Variants in PLD5 observed in about 807,000 individuals in gnomAD.
The protein encoded by PLD5 is inactive phospholipase D5.
In PLD5, 36 loss-of-function variants were observed where a neutral mutation model predicts 61.1. That is an observed-to-expected ratio of 0.59 (90% CI 0.45 to 0.78). PLD5 has a LOEUF of 0.78. Ranked by LOEUF, PLD5 falls within the 30% of genes least tolerant of loss-of-function variation. The pLI, the probability that PLD5 is intolerant of heterozygous loss-of-function variation, is 0.00. For missense variants in PLD5, 515 were observed against 644.4 expected (o/e 0.80, Z 2.17); for synonymous variants, 243 against 242.8 (o/e 1.00, Z -0.01).
intron 1 of PLD5, among the ~76,000 whole-genome samples, chr1:242,419,413 G>A (rs1471895181): frequency 6.7e-6 from 1 of 149,074 alleles, no homozygotes. Context: ...TTTGGCGGGG[G>A]GAGACAGAGT....
chr1:242,174,388 G>A (rs933885811), intron 5 of PLD5, among the ~76,000 whole-genome samples: 24 of 152,302 alleles, frequency 1.6e-4, no homozygotes, highest in Admixed American at 4.6e-4. Flanking sequence ...TCATTAAAAA[G>A]TCAGGAAACA....
rs1002339877 is a variant in PLD5, at chr1:242,089,688, G to A, written c.*166C>T. The stretch of plus-strand genomic sequence containing the variant: ...CAAAAGTCTTAATTTTAGTGTACAC[G>A]ACGCTAAGATATTGTTAGATAGGTA... On this transcript the variant is annotated 3_prime_UTR_variant, in exon 10 of 10. Coordinates refer to ENST00000536534, the MANE Select transcript of PLD5 (RefSeq NM_001372062.1). 1.6e-5 allele frequency: 13 copies of A among 822,262 alleles called. No homozygotes were observed. Among genetic ancestry groups the A allele is most frequent in the Admixed American group, 8.2e-5 (3 of 36,482 alleles). 50.9% of individuals were successfully genotyped at this position (822,262 alleles called of 1,614,324 possible).
intron 1 of PLD5, among the ~76,000 whole-genome samples, chr1:242,363,203 A>T (rs1025300998): frequency 1.3e-5 from 2 of 152,032 alleles, no homozygotes; most frequent in African/African-American, 4.8e-5. Flanking sequence ...CCCACACACA[A>T]GGCCAGAAAG....
At chr1:242,137,404 C>T (rs924678888) in intron 5 of PLD5, among the ~76,000 whole-genome samples, 19 of 152,130 alleles carry the variant, frequency 1.2e-4, no homozygotes, top group African/African-American at 3.6e-4. Flanking sequence ...TACCTAAAAC[C>T]GTCTTGGTAA....
intron 5 of PLD5, among the ~76,000 whole-genome samples, chr1:242,208,015 C>CACACACAT (rs1208907635): frequency 7.1e-6 from 1 of 140,366 alleles, no homozygotes; most frequent in Non-Finnish European, 1.5e-5. Context: ...CACACACACA[C>CACACACAT]ACACACACAT....
At chr1:242,163,924 T>A (rs1228759185) in intron 5 of PLD5, among the ~76,000 whole-genome samples, 3 of 78,114 alleles carry the variant, frequency 3.8e-5, no homozygotes, top group Non-Finnish European at 6.9e-5. Context: ...TGTGTGTGTG[T>A]ATATATATAC....
At chr1:242,524,766 G>A (rs1174209617), upstream of PLD5, 1 of 148,918 alleles carries the variant, frequency 6.7e-6, no homozygotes, top group African/African-American at 2.4e-5. Context: ...GGCCGCGGCT[G>A]GCCCAGCCAG....
chr1:242,502,782 C>T lies in PLD5; in HGVS notation c.189+21306G>A, dbSNP rs566178733. On this transcript the variant is annotated intron_variant, in intron 1 of 9. Transcript: ENST00000536534. Reference sequence around the variant, plus strand: ...GTTGTAAAACAGAGTCCTGTGGGGCCGGGTGCAGTGGCTCACGCCTGTAAT... The same window carrying T: ...GTTGTAAAACAGAGTCCTGTGGGGCTGGGTGCAGTGGCTCACGCCTGTAAT... Among the ~76,000 whole-genome samples, 16 of 152,120 alleles carry T rather than the reference C, an allele frequency of 1.1e-4. 1 individual carries two copies. The highest frequency in any genetic ancestry group is 3.6e-4 in the African/African-American group (15 of 41,500).
chr1:242,328,251 C>CATAT (rs139286557), intron 2 of PLD5, among the ~76,000 whole-genome samples: 52 of 151,254 alleles, frequency 3.4e-4, no homozygotes, highest in African/African-American at 1.1e-3. Flanking sequence ...TCAAGATGAA[C>CATAT]ATATATATAT....
At chr1:242,445,313 C>T in intron 1 of PLD5, among the ~76,000 whole-genome samples, 1 of 152,144 alleles carries the variant, frequency 6.6e-6, no homozygotes, top group Admixed American at 6.5e-5. Context: ...TTGGATTTCC[C>T]AGTCTCTATA....
intron 1 of PLD5, among the ~76,000 whole-genome samples, chr1:242,437,105 G>A (rs891223445): frequency 3.9e-5 from 6 of 152,286 alleles, no homozygotes; most frequent in African/African-American, 1.2e-4. Context: ...GTATCCTCAG[G>A]AAGGGGAGGT....
intron 5 of PLD5, among the ~76,000 whole-genome samples, chr1:242,194,099 A>G (rs2148936709): frequency 6.6e-6 from 1 of 152,282 alleles, no homozygotes; most frequent in East Asian, 1.9e-4. Context: ...CATTCTAGGT[A>G]TGGCAGGAAC....
rs1558344389 is a variant in PLD5, at chr1:242,207,890, A to T, written c.735+12098T>A. On this transcript the variant is annotated intron_variant, in intron 5 of 9. Transcript: ENST00000536534. ...TATTTATATATATTTATATATTTAT[A>T]TATATTTATATATTTATATATATTT... 3.1e-4 allele frequency among the ~76,000 whole-genome samples: 18 copies of T among 57,188 alleles called. 1 individual carries two copies. The highest frequency in any genetic ancestry group is 9.7e-4 in the African/African-American group (10 of 10,362). The allele number at this position is 57,188 out of a possible 152,430, so 37.5% of individuals were successfully genotyped here. A position where few individuals can be genotyped will look rare whatever the true frequency, so the allele number is the denominator to read the frequency against.
intron 5 of PLD5, among the ~76,000 whole-genome samples, chr1:242,150,536 C>T (rs1386091379): frequency 6.6e-6 from 1 of 151,658 alleles, no homozygotes; most frequent in African/African-American, 2.4e-5. Context: ...GGAGAAATGA[C>T]CCTTTTATCA....
chr1:242,150,176 T>A (rs1267266001), intron 5 of PLD5, among the ~76,000 whole-genome samples: 1 of 151,228 alleles, frequency 6.6e-6, no homozygotes, highest in Non-Finnish European at 1.5e-5. Flanking sequence ...TATAAGTACT[T>A]ACTTTTTATA....
At chr1:242,446,960 T>TTA (rs1666567878) in intron 1 of PLD5, among the ~76,000 whole-genome samples, 1 of 152,180 alleles carries the variant, frequency 6.6e-6, no homozygotes, top group Non-Finnish European at 1.5e-5. Context: ...ACTAGCTGTG[T>TTA]GCCCTTCAGA....
At chr1:242,174,963 G>T (rs889663586) in intron 5 of PLD5, among the ~76,000 whole-genome samples, 3 of 152,092 alleles carry the variant, frequency 2.0e-5, no homozygotes, top group Non-Finnish European at 4.4e-5. Flanking sequence ...ATTGGGTGCA[G>T]CATACCAACA....
In PLD5 at chr1:242,480,006, G is replaced by C. The variant is rs556057293; in HGVS notation, c.189+44082C>G. ...GCACAGATTGCAGTAAGTCGAGATC[G>C]TGCCACTGCACTCCAGCCTGGTAAC... On this transcript the variant is annotated intron_variant, in intron 1 of 9. Transcript: ENST00000536534. Among the ~76,000 whole-genome samples the C allele has an allele frequency of 1.5e-4, 23 of 151,090 alleles. 1 individual carries two copies. The East Asian group carries it at 4.5e-3, about 29-fold the overall frequency.
At chr1:242,112,323 G>GTGTC (rs1353476913) in intron 7 of PLD5, among the ~76,000 whole-genome samples, 1 of 80,568 alleles carries the variant, frequency 1.2e-5, no homozygotes, top group Non-Finnish European at 2.2e-5. Flanking sequence ...GTGTGTGTGT[G>GTGTC]TATGTATGTA....
Sources: allele counts gnomAD v4.1 joint callset (sites outside exome capture counted in the v4.1 genomes callset), GRCh38; gene constraint gnomAD v4.1.1; transcripts MANE v1.5; gene names NCBI Gene and HGNC (gene_info 2026-07-23, HGNC 2026-07-21).